Variants in PARP4 observed in about 807,000 individuals in gnomAD.
The protein encoded by PARP4 is poly(ADP-ribose) polymerase family member 4.
Under a neutral mutation model 187.7 loss-of-function variants are expected in PARP4, and 120 were observed. The ratio of observed to expected loss-of-function variants is 0.64; its 90% confidence interval spans 0.55 to 0.74. PARP4 has a LOEUF of 0.74. PARP4 is among the 30% of genes least tolerant of loss of function. The pLI, the probability that PARP4 is intolerant of heterozygous loss-of-function variation, is 0.00. For synonymous variants in PARP4, 654 were observed against 740.9 expected (o/e 0.88, Z 1.90); for missense variants, 1,836 against 2,070.5 (o/e 0.89, Z 2.20).
chr13:24,458,019 T>C (rs1278311181), intron 20 of PARP4, among the ~76,000 whole-genome samples: 1 of 151,914 alleles, frequency 6.6e-6, no homozygotes, highest in Non-Finnish European at 1.5e-5. Flanking sequence ...CCTGTCATTC[T>C]AGCACTTCGG....
rs1258900762 is a variant in PARP4 at position 24,455,494 on chromosome 13, T to TAC, written c.2563-283_2563-282insGT. On this transcript the variant is annotated intron_variant, in intron 21 of 33. Transcript: ENST00000381989. The stretch of plus-strand genomic sequence containing the variant: ...ATTATGGAACAAATATATATATATA[T>TAC]ATATATATATATCACACTATTCTAA... 2.6e-3 allele frequency among the ~76,000 whole-genome samples: 360 copies of TAC among 138,244 alleles called. 1 individual carries two copies. The highest frequency in any genetic ancestry group is 8.7e-3 in the African/African-American group (321 of 37,102). The allele number at this position is 138,244 out of a possible 152,430, so 90.7% of individuals were successfully genotyped here. A position where few individuals can be genotyped will look rare whatever the true frequency, so the allele number is the denominator to read the frequency against.
At chr13:24,445,376 C>A (rs1871160315) in intron 27 of PARP4, among the ~76,000 whole-genome samples, 1 of 151,892 alleles carries the variant, frequency 6.6e-6, no homozygotes, top group Non-Finnish European at 1.5e-5. Flanking sequence ...TGCTGGGGAA[C>A]CAACCATATG....
At chr13:24,423,669 T>C (rs150544584) in intron 33 of PARP4, among the ~76,000 whole-genome samples, 8 of 152,272 alleles carry the variant, frequency 5.3e-5, no homozygotes, top group East Asian at 1.9e-4. Context: ...AAATTACATA[T>C]AGTAAATTAT....
chr13:24,420,944 AT>A lies in PARP4; in HGVS notation c.*174del, dbSNP rs1869709551. ...AGAAAACTGAAATATTTTAAGTTTC[AT>A]TTTATTATTGCTTGTTAGTTGATTA... On this transcript the variant is annotated 3_prime_UTR_variant, in exon 34 of 34. Coordinates refer to ENST00000381989, the MANE Select transcript of PARP4 (RefSeq NM_006437.4). 1.4e-6 allele frequency: 1 copy of A among 710,352 alleles called. No homozygotes were observed. The allele number at this position is 710,352 out of a possible 1,614,324, so 44.0% of individuals were successfully genotyped here.
At chr13:24,437,291 A>G (rs574713880) in intron 30 of PARP4, among the ~76,000 whole-genome samples, 5 of 152,190 alleles carry the variant, frequency 3.3e-5, no homozygotes, top group Non-Finnish European at 7.3e-5. Flanking sequence ...TTTTAAAAGT[A>G]TAATCTCTGA....
In PARP4 at chr13:24,434,488, G is replaced by C. The variant is rs1870503239; in HGVS notation, c.4653C>G (p.Cys1551Trp). The change falls in exon 31 of 34, where the codon TGC (cysteine) becomes TGG (tryptophan). Residue 1551 changes from cysteine (C) to tryptophan (W), a missense_variant. Around this residue, in one of 8 missense-constraint regions of PARP4, gnomAD observed 450 missense variants for 439.2 expected, o/e 1.02. Transcript: ENST00000381989. ...KCDTKDDSIL[C>W]FLEVKEEDEI... ...CATCCTCTTCTTTTACTTCCAGAAA[G>C]CACAGGATACTGTCATCTTTTGTAT... is the stretch of plus-strand genomic sequence containing the variant. The C allele has an allele frequency of 1.2e-6, 2 of 1,613,526 alleles. No homozygotes were observed. Among genetic ancestry groups the C allele is most frequent in the Non-Finnish European group, 1.7e-6 (2 of 1,179,642 alleles).
chr13:24,497,917 A>G (rs1869043302), intron 6 of PARP4, among the ~76,000 whole-genome samples, 199 bp downstream of exon 6: 1 of 152,246 alleles, frequency 6.6e-6, no homozygotes, highest in Non-Finnish European at 1.5e-5. Context: ...ACCCTGCTGT[A>G]CTTTGACCTT....
chr13:24,435,916 C>CAAAAAAAA (rs56254149), intron 30 of PARP4, among the ~76,000 whole-genome samples: 6 of 87,924 alleles, frequency 6.8e-5, no homozygotes, highest in South Asian at 3.7e-4. Context: ...TATTCTGTCT[C>CAAAAAAAA]AAAAAAAAAA....
chr13:24,443,757 A>T, intron 27 of PARP4, 27 bp from the exon 28 acceptor site: 1 of 1,500,384 alleles, frequency 6.7e-7, no homozygotes, highest in Non-Finnish European at 9.3e-7. Context: ...AAGGAAAAAA[A>T]ATATTCACAT....
intron 30 of PARP4, among the ~76,000 whole-genome samples, chr13:24,438,279 T>A (rs1420339089): frequency 2.0e-5 from 3 of 152,220 alleles, no homozygotes; most frequent in Non-Finnish European, 1.5e-5. Flanking sequence ...ATGTTCCATA[T>A]GCACAGTTCA....
At chr13:24,448,734 T>C (rs1331849967) in intron 25 of PARP4, among the ~76,000 whole-genome samples, 1 of 152,110 alleles carries the variant, frequency 6.6e-6, no homozygotes, top group East Asian at 1.9e-4. Flanking sequence ...CACCGATAGA[T>C]GAATGGATAA....
rs1483077430 is a variant in PARP4 at position 24,421,096 on chromosome 13, T to C, written c.*23A>G. ...TTTCTACATAGAAGCATGCAAAAAG[T>C]TTAAAATTCAGTTTCATTTGACTTA... On this transcript the variant is annotated 3_prime_UTR_variant, in exon 34 of 34. Coordinates refer to ENST00000381989, the MANE Select transcript of PARP4 (RefSeq NM_006437.4). The C allele has an allele frequency of 6.9e-6, 8 of 1,160,090 alleles. No individual in the cohort carries two copies. The South Asian group carries it at 9.7e-5, about 14-fold the overall frequency. The allele number at this position is 1,160,090 out of a possible 1,614,324, so 71.9% of individuals were successfully genotyped here. A position where few individuals can be genotyped will look rare whatever the true frequency, so the allele number is the denominator to read the frequency against.
At chr13:24,496,242 T>A (rs1406762481) in intron 6 of PARP4, among the ~76,000 whole-genome samples, 33 of 149,218 alleles carry the variant, frequency 2.2e-4, no homozygotes, top group African/African-American at 7.0e-4. Flanking sequence ...CAAACAACTA[T>A]ATCCTCCACA....
intron 27 of PARP4, 69 bp downstream of exon 27, chr13:24,446,612 C>T (rs1871221301): frequency 4.8e-6 from 5 of 1,039,400 alleles, no homozygotes; most frequent in Middle Eastern, 2.3e-4. Context: ...TGACATAGAG[C>T]ATTATATATG....
chr13:24,461,206 T>C, intron 17 of PARP4, among the ~76,000 whole-genome samples: 1 of 152,352 alleles, frequency 6.6e-6, no homozygotes, highest in East Asian at 1.9e-4. Flanking sequence ...GCTTAAAGGT[T>C]AAATTATTAC....
chr13:24,481,349 G>A (rs1873270190), intron 12 of PARP4, among the ~76,000 whole-genome samples: 1 of 152,240 alleles, frequency 6.6e-6, no homozygotes, highest in Non-Finnish European at 1.5e-5. Context: ...CTTACAATCT[G>A]CAGCCATGGA....
intron 1 of PARP4, among the ~76,000 whole-genome samples, chr13:24,505,540 A>AC (rs1566023443): frequency 6.7e-6 from 1 of 148,700 alleles, no homozygotes; most frequent in Non-Finnish European, 1.5e-5. Flanking sequence ...TCACCGCCTA[A>AC]ACCCCCCAGA....
chr13:24,430,027 C>T (rs1383180162), intron 32 of PARP4, among the ~76,000 whole-genome samples: 3 of 152,206 alleles, frequency 2.0e-5, no homozygotes, highest in Non-Finnish European at 2.9e-5. Context: ...ATTATGTTCA[C>T]TCTAGCTTCT....
chr13:24,469,708 T>C (rs1872647980), intron 16 of PARP4, among the ~76,000 whole-genome samples, 186 bp downstream of exon 16: 1 of 152,200 alleles, frequency 6.6e-6, no homozygotes, highest in Non-Finnish European at 1.5e-5. Flanking sequence ...GTAGAAACCC[T>C]TCATCACGGA....
Sources: allele counts gnomAD v4.1 joint callset (sites outside exome capture counted in the v4.1 genomes callset), GRCh38; gene constraint gnomAD v4.1.1; regional missense constraint gnomAD v4.1.1; transcripts MANE v1.5; gene names NCBI Gene and HGNC (gene_info 2026-07-23, HGNC 2026-07-21).